The following SLC9C2 variants were observed in gnomAD, a reference collection of about 807,000 sequenced individuals.
SLC9C2 encodes sodium/hydrogen exchanger 11.
In SLC9C2, 75 loss-of-function variants were observed where a neutral mutation model predicts 140.2. The ratio of observed to expected loss-of-function variants is 0.53; its 90% CI spans 0.44 to 0.65. The LOEUF (loss-of-function observed/expected upper bound fraction) is 0.65, where lower values mean the gene tolerates loss of function less well. Among genes scored for constraint, SLC9C2 ranks in the 30% least tolerant of loss-of-function variants. The pLI, the probability that SLC9C2 is intolerant of heterozygous loss-of-function variation, is 0.00. For missense variants in SLC9C2, 1,074 were observed against 1,331.8 expected, an observed-to-expected ratio of 0.81 and a Z score of 3.01; for synonymous variants, 375 against 420.9, an observed-to-expected ratio of 0.89 and a Z score of 1.34.
At chr1:173,507,140 G>A in intron 24 of SLC9C2, 99 bp from the exon 25 acceptor site, 2 of 973,860 alleles carry the variant, frequency 2.1e-6, no homozygotes, top group East Asian at 2.5e-5. Flanking sequence ...ATTTGAGGGT[G>A]TCAGAAGGTA....
intron 21 of SLC9C2, 76 bp downstream of exon 21, chr1:173,523,893 A>C: frequency 6.5e-7 from 1 of 1,532,060 alleles, no homozygotes; most frequent in Non-Finnish European, 8.8e-7. Context: ...CTTTTCTGTT[A>C]ATCTTTCATT....
chr1:173,505,395 T>C (rs2101886907), intron 25 of SLC9C2, 64 bp from the exon 26 acceptor site: 3 of 1,243,730 alleles, frequency 2.4e-6, no homozygotes, highest in Non-Finnish European at 3.5e-6. Context: ...GGCTGCTTCC[T>C]AATCTTTCCA....
intron 11 of SLC9C2, among the ~76,000 whole-genome samples, chr1:173,550,684 G>A (rs527310145): frequency 5.9e-5 from 9 of 151,630 alleles, no homozygotes; most frequent in Admixed American, 1.3e-4. Context: ...TGATCCGCCC[G>A]CCTTGGCCTT....
intron 13 of SLC9C2, among the ~76,000 whole-genome samples, chr1:173,541,811 T>C (rs1450073973): frequency 1.3e-5 from 2 of 152,082 alleles, no homozygotes; most frequent in African/African-American, 2.4e-5. Flanking sequence ...TTGAAACCAA[T>C]GAGAACAAAG....
chr1:173,530,947 G>A (rs1321284623), intron 17 of SLC9C2, among the ~76,000 whole-genome samples: 1 of 152,168 alleles, frequency 6.6e-6, no homozygotes, highest in East Asian at 1.9e-4. Context: ...TGGACAAAGG[G>A]AGAGATGTTT....
At chr1:173,523,778 G>A (rs192518240) in intron 21 of SLC9C2, among the ~76,000 whole-genome samples, 191 bp downstream of exon 21, 31 of 152,344 alleles carry the variant, frequency 2.0e-4, no homozygotes, top group African/African-American at 7.2e-4. Context: ...AAGCCATTGT[G>A]AAAAACTATC....
At chr1:173,522,711 G>C (rs1396641906) in intron 21 of SLC9C2, among the ~76,000 whole-genome samples, 1 of 152,206 alleles carries the variant, frequency 6.6e-6, no homozygotes, top group East Asian at 1.9e-4. Context: ...GCACCTGAGA[G>C]TCATGATGTT....
intron 17 of SLC9C2, among the ~76,000 whole-genome samples, chr1:173,530,447 C>A (rs1661501879): frequency 6.6e-6 from 1 of 152,194 alleles, no homozygotes; most frequent in South Asian, 2.1e-4. Flanking sequence ...ACTCACTGAA[C>A]AAATCGTCTC....
intron 14 of SLC9C2, 41 bp downstream of exon 14, chr1:173,536,901 T>C: frequency 7.3e-7 from 1 of 1,362,168 alleles, no homozygotes; most frequent in African/African-American, 1.5e-5. Flanking sequence ...CATATAGTCA[T>C]TCAATTTTGG....
At chr1:173,526,886 C>T (rs535487828) in intron 18 of SLC9C2, among the ~76,000 whole-genome samples, 172 bp from the exon 19 acceptor site, 1 of 152,132 alleles carries the variant, frequency 6.6e-6, no homozygotes, top group South Asian at 2.1e-4. Flanking sequence ...TGCTCTGTTG[C>T]CGAGGTTGGA....
intron 6 of SLC9C2, among the ~76,000 whole-genome samples, chr1:173,582,855 C>T (rs1665629373): frequency 6.6e-6 from 1 of 152,170 alleles, no homozygotes; most frequent in African/African-American, 2.4e-5. Flanking sequence ...GACCCAAATC[C>T]AGAACCAAGC....
At chr1:173,525,014 G>A in intron 19 of SLC9C2, 87 bp from the exon 20 acceptor site, 1 of 1,337,326 alleles carries the variant, frequency 7.5e-7, no homozygotes, top group Non-Finnish European at 1.0e-6. Flanking sequence ...AATTTCCAAA[G>A]CATTTACACA....
intron 9 of SLC9C2, among the ~76,000 whole-genome samples, chr1:173,563,696 T>C (rs1030611262): frequency 3.3e-5 from 5 of 152,338 alleles, no homozygotes; most frequent in Middle Eastern, 3.4e-3. Flanking sequence ...ATTTATCCTT[T>C]GTGTTACAGA....
intron 7 of SLC9C2, among the ~76,000 whole-genome samples, chr1:173,577,210 G>A (rs1212371080): frequency 6.6e-6 from 1 of 152,224 alleles, no homozygotes; most frequent in Non-Finnish European, 1.5e-5. Context: ...TCCTGCTGGA[G>A]ACCATCACTG....
At chr1:173,553,922 A>C (rs1319454782) in intron 11 of SLC9C2, among the ~76,000 whole-genome samples, 2 of 152,174 alleles carry the variant, frequency 1.3e-5, no homozygotes, top group Non-Finnish European at 2.9e-5. Context: ...AACTATACTA[A>C]GGCTCTACGA....
chr1:173,574,151 C>T (rs1000733350), intron 8 of SLC9C2, among the ~76,000 whole-genome samples: 3 of 152,218 alleles, frequency 2.0e-5, no homozygotes, highest in Non-Finnish European at 2.9e-5. Context: ...CTTCCACAAG[C>T]AGATCTCAAG....
intron 23 of SLC9C2, among the ~76,000 whole-genome samples, chr1:173,510,818 T>A (rs888821384): frequency 2.0e-5 from 3 of 152,182 alleles, no homozygotes; most frequent in African/African-American, 7.2e-5. Context: ...GTCTTTATAG[T>A]AGAATGATTT....
intron 17 of SLC9C2, among the ~76,000 whole-genome samples, chr1:173,530,467 CA>C (rs935784604): frequency 6.6e-6 from 1 of 152,180 alleles, no homozygotes; most frequent in African/African-American, 2.4e-5. Flanking sequence ...CTCTGTGCCT[CA>C]GTTTCTTCAC....
In SLC9C2 at chr1:173,536,935, T is replaced by C. The variant is rs1662006753; in HGVS notation, c.1655+7A>G. On this transcript the variant is annotated splice_region_variant and intron_variant, in intron 14 of 27. Coordinates refer to ENST00000367714, the MANE Select transcript of SLC9C2 (RefSeq NM_178527.4). Reference sequence around the variant, plus strand: ...GGAAATATCAATTAAAGAAGTGTTATACTTACTTTCCTTGGATGGAGTAAT... The same window carrying C: ...GGAAATATCAATTAAAGAAGTGTTACACTTACTTTCCTTGGATGGAGTAAT... 1 of 1,598,992 alleles carries C rather than the reference T, an allele frequency of 6.3e-7. No individual in the cohort carries two copies. Among genetic ancestry groups the C allele is most frequent in the Non-Finnish European group, 8.6e-7 (1 of 1,167,300 alleles).
Sources: allele counts gnomAD v4.1 joint callset (sites outside exome capture counted in the v4.1 genomes callset), GRCh38; gene constraint gnomAD v4.1.1; transcripts MANE v1.5; gene names NCBI Gene and HGNC (gene_info 2026-07-23, HGNC 2026-07-21).